The following TUSC3 variants were observed in gnomAD, a reference collection of about 807,000 sequenced individuals.
The protein encoded by TUSC3 is dolichyl-diphosphooligosaccharide--protein glycosyltransferase subunit TUSC3.
In TUSC3, 45 loss-of-function variants were observed where a neutral mutation model predicts 44.8. The ratio of observed to expected loss-of-function variants is 1.00; its 90% CI spans 0.79 to 1.29. TUSC3 has a LOEUF of 1.29. TUSC3 is among the 50% of genes most tolerant of loss of function. The pLI is 0.00. For synonymous variants in TUSC3, 212 were observed against 152.9 expected (o/e 1.39, Z -2.85); for missense variants, 519 against 437.9 (o/e 1.19, Z -1.65).
the TUSC3 span, among the ~76,000 whole-genome samples, chr8:15,833,032 T>TA: frequency 1.3e-5 from 2 of 151,830 alleles, no homozygotes; most frequent in Admixed American, 6.6e-5. Context: ...TAATCGGAAG[T>TA]AAAAAAACAG....
At chr8:15,840,004 T>A in the TUSC3 span, among the ~76,000 whole-genome samples, 2 of 152,038 alleles carry the variant, frequency 1.3e-5, no homozygotes, top group African/African-American at 4.8e-5. Flanking sequence ...TAGACTGGAT[T>A]AAGAAAATGT....
At chr8:15,513,415 T>G (rs1801170180) in intron 2 of TUSC3, among the ~76,000 whole-genome samples, 1 of 152,170 alleles carries the variant, frequency 6.6e-6, no homozygotes, top group Non-Finnish European at 1.5e-5. Context: ...TGGATATAAA[T>G]TGAGAACTGC....
chr8:15,752,714 C>T (rs181725325), intron 9 of TUSC3, among the ~76,000 whole-genome samples: 109 of 152,076 alleles, frequency 7.2e-4, no homozygotes, highest in Non-Finnish European at 1.4e-3. Context: ...TGTAGAAAAA[C>T]GTGATTCGTA....
the TUSC3 span, chr8:15,806,449 G>T: frequency 2.5e-6 from 2 of 811,440 alleles, no homozygotes; most frequent in Non-Finnish European, 4.4e-6. Flanking sequence ...TCACACACAT[G>T]TTGTCTTGAC....
At chr8:15,688,603 T>G (rs1363342061) in intron 6 of TUSC3, among the ~76,000 whole-genome samples, 1 of 152,118 alleles carries the variant, frequency 6.6e-6, no homozygotes, top group African/African-American at 2.4e-5. Flanking sequence ...CCCTAGTATC[T>G]GTTGTTTCTG....
At position 15,755,559 on chromosome 8, in the gene TUSC3, G is replaced by A. The variant is rs1223632189; in HGVS notation, c.1029-2232G>A. Among the ~76,000 whole-genome samples the A allele has an allele frequency of 2.6e-5, 4 of 151,816 alleles. No homozygotes were observed. In the East Asian group the frequency reaches 7.8e-4, roughly 30 times the overall value. Reference sequence around the variant, plus strand: ...CTTGAAATTGTCAGTGAAATAGTAGGGTTACTATGAATTTGATCTAATTAC... The same window carrying A: ...CTTGAAATTGTCAGTGAAATAGTAGAGTTACTATGAATTTGATCTAATTAC... On this transcript the variant is annotated intron_variant, in intron 9 of 10. Transcript: ENST00000503731.
chr8:15,746,574 T>C (rs1563202672), intron 8 of TUSC3, among the ~76,000 whole-genome samples: 1 of 152,038 alleles, frequency 6.6e-6, no homozygotes, highest in East Asian at 1.9e-4. Flanking sequence ...CCTTCCCATA[T>C]ACAAGTACTT....
the TUSC3 span, among the ~76,000 whole-genome samples, chr8:15,836,340 C>T: frequency 2.7e-5 from 4 of 147,866 alleles, no homozygotes; most frequent in South Asian, 2.2e-4. Context: ...AAAAAAATTG[C>T]GCTGGCGGGT....
chr8:15,831,784 T>A, the TUSC3 span, among the ~76,000 whole-genome samples: 1 of 152,140 alleles, frequency 6.6e-6, no homozygotes, highest in East Asian at 1.9e-4. Context: ...ACAAGAAATG[T>A]GGAATTATGT....
At chr8:15,695,933 G>A (rs183983534) in intron 6 of TUSC3, among the ~76,000 whole-genome samples, 5 of 152,228 alleles carry the variant, frequency 3.3e-5, no homozygotes, top group Middle Eastern at 3.4e-3. Flanking sequence ...GCTGTTAAAC[G>A]CATTCAGTTT....
chr8:15,507,935 A>G (rs1337817185), intron 2 of TUSC3, among the ~76,000 whole-genome samples: 3 of 152,162 alleles, frequency 2.0e-5, no homozygotes, highest in Non-Finnish European at 4.4e-5. Context: ...CAAAATAACG[A>G]AAGATGAGTC....
the TUSC3 span, among the ~76,000 whole-genome samples, chr8:15,807,616 G>C: frequency 6.6e-6 from 1 of 152,058 alleles, no homozygotes; most frequent in Non-Finnish European, 1.5e-5. Context: ...ATTAACCTGG[G>C]TGCCCATCCG....
chr8:15,769,858 C>T (rs1213491610), downstream of TUSC3, among the ~76,000 whole-genome samples: 1 of 152,092 alleles, frequency 6.6e-6, no homozygotes, highest in African/African-American at 2.4e-5. Context: ...AAATTAAAAC[C>T]ACAGTGAGAT....
intron 1 of TUSC3, among the ~76,000 whole-genome samples, chr8:15,560,111 C>T (rs1289203946): frequency 7.5e-6 from 1 of 133,360 alleles, no homozygotes; most frequent in African/African-American, 2.9e-5. Flanking sequence ...ATGGTCTTTA[C>T]ATTTTGGCAT....
the TUSC3 span, among the ~76,000 whole-genome samples, chr8:15,810,510 C>T: frequency 8.4e-4 from 128 of 151,714 alleles, no homozygotes; most frequent in Middle Eastern, 0.01. Flanking sequence ...TGGTGGCACA[C>T]GCCTGTGGTC....
intron 1 of TUSC3, among the ~76,000 whole-genome samples, chr8:15,599,926 A>G (rs562799653): frequency 1.8e-4 from 27 of 151,736 alleles, no homozygotes; most frequent in African/African-American, 6.0e-4. Flanking sequence ...AACTTTGTCT[A>G]TCATCACTTA....
chr8:15,621,780 TA>T lies in TUSC3; in HGVS notation c.139-1290del, dbSNP rs71543653. On this transcript the variant is annotated intron_variant, in intron 1 of 10. Transcript: ENST00000503731. The stretch of plus-strand genomic sequence containing the variant: ...TTGGTTGTGGCAAAATTGGGTCTTT[TA>T]AAAAAAAAACACAGCCGAGTCATTA... Among the ~76,000 whole-genome samples the T allele has an allele frequency of 7.4e-5, 11 of 147,924 alleles. No individual in the cohort carries two copies. The East Asian group carries it at 9.8e-4, about 13-fold the overall frequency.
At chr8:15,576,960 C>A (rs1803140634) in intron 1 of TUSC3, among the ~76,000 whole-genome samples, 1 of 125,572 alleles carries the variant, frequency 8.0e-6, no homozygotes, top group South Asian at 2.7e-4. Context: ...TCTCCACATC[C>A]TCTCCAGCAC....
rs1554504851 is a variant in TUSC3, at chr8:15,474,330, AGGTGATGTACATCCT to A, written n.92-9055_92-9041del. ...TAACACAATTATCACAGTGGTCCTG[AGGTGATGTACATCCT>A]CAGCTTACAAAGATAACAGGATTAA... On this transcript the variant is annotated intron_variant and non_coding_transcript_variant, in intron 1 of 5. Coordinates refer to the TUSC3 transcript ENST00000503191. Among the ~76,000 whole-genome samples, 116 of 152,292 alleles carry A rather than the reference AGGTGATGTACATCCT, an allele frequency of 7.6e-4. 1 individual carries two copies. In the East Asian group the frequency reaches 0.018, roughly 23 times the overall value.
Sources: gnomAD v4.1 joint callset for allele counts (sites outside exome capture counted in the v4.1 genomes callset) on GRCh38, gnomAD v4.1.1 for gene constraint, MANE v1.5 for transcripts, NCBI Gene and HGNC (gene_info 2026-07-23, HGNC 2026-07-21) for gene names.